ATP2A3: variants seen among roughly 807,000 people sequenced by gnomAD.
The protein encoded by ATP2A3 is ATPase sarcoplasmic/endoplasmic reticulum Ca2+ transporting 3, also known as sarcoplasmic/endoplasmic reticulum calcium ATPase 3.
Under a neutral mutation model 106.8 loss-of-function variants are expected in ATP2A3, and 61 were observed. The ratio of observed to expected loss-of-function variants is 0.57; its 90% confidence interval spans 0.46 to 0.71. The LOEUF (loss-of-function observed/expected upper bound fraction) is 0.71. Ranked by LOEUF, ATP2A3 falls within the 30% of genes least tolerant of loss-of-function variation. The pLI is 0.00. For synonymous variants in ATP2A3, 611 were observed against 609.3 expected (o/e 1.00, Z -0.04); for missense variants, 1,201 against 1,423.5 (o/e 0.84, Z 2.52).
chr17:3,925,409 CTG>C lies in ATP2A3; in HGVS notation c.*11_*12del. On this transcript the variant is annotated 3_prime_UTR_variant, in exon 21 of 21. Transcript: ENST00000397041. This position sits in a 1 kb window ranked among gnomAD's most constrained non-coding sequence, Gnocchi z 4.2. The stretch of plus-strand genomic sequence containing the variant: ...TGAGGTACACACCGGAGACTCCACT[CTG>C]TTCCCAGCGCTCACTTCTGGCTCAT... 9 of 1,613,884 alleles carry C rather than the reference CTG, an allele frequency of 5.6e-6. No homozygotes were observed. The highest frequency in any genetic ancestry group is 7.6e-6 in the Non-Finnish European group (9 of 1,179,926).
Position 3,942,751 on chromosome 17 carries a change from C to A in ATP2A3, c.1420-20G>T. On this transcript the variant is annotated intron_variant, in intron 11 of 20. Coordinates refer to ENST00000397041, the MANE Select transcript of ATP2A3 (RefSeq NM_005173.4). ...GATGACCTGCGGGGTCCAGGCAGGT[C>A]AGGGCATGAAGGACAGAGCCAGCAA... The A allele has an allele frequency of 6.2e-7, 1 of 1,611,100 alleles. No homozygotes were observed. The highest frequency in any genetic ancestry group is 1.1e-5 in the South Asian group (1 of 90,994).
rs569461487 is a variant in ATP2A3 at position 3,936,689 on chromosome 17, A to T, written c.2322-220T>A. 85 of 597,970 alleles carry T rather than the reference A, an allele frequency of 1.4e-4. No homozygotes were observed. Among genetic ancestry groups the T allele is most frequent in the African/African-American group, 1.3e-3 (71 of 54,340 alleles). 37.0% of individuals were successfully genotyped at this position (597,970 alleles called of 1,614,324 possible). On this transcript the variant is annotated intron_variant, in intron 15 of 20. Coordinates refer to ENST00000397041, the MANE Select transcript of ATP2A3 (RefSeq NM_005173.4). The surrounding 1 kb of genome is among the most constrained non-coding windows in gnomAD (Gnocchi z 5.4). ...CCAGTCCCAGCTCTGGATCCTGGAC[A>T]TACCTGCTCTTTAGGCCTAGCAGAG...
intron 8 of ATP2A3, among the ~76,000 whole-genome samples, chr17:3,945,653 C>T (rs1372495577): frequency 6.6e-6 from 1 of 152,236 alleles, no homozygotes; most frequent in African/African-American, 2.4e-5. Flanking sequence ...TGAGCCCCTG[C>T]CACAGGGCCT....
At chr17:3,951,114 A>T (rs2054394967) in intron 5 of ATP2A3, 137 bp downstream of exon 5, 1 of 896,102 alleles carries the variant, frequency 1.1e-6, no homozygotes, top group Non-Finnish European at 1.5e-6. Context: ...AGGAGGTTGC[A>T]GTGAGCCGAG....
rs1341170020 is a variant in ATP2A3, at chr17:3,936,509, C to A, written c.2322-40G>T. 6 of 1,606,778 alleles carry A rather than the reference C, an allele frequency of 3.7e-6. No individual in the cohort carries two copies. Among genetic ancestry groups the A allele is most frequent in the Non-Finnish European group, 5.1e-6 (6 of 1,174,888 alleles). ...TGAGCTCTAGCCCCGGTAGGCCTAG[C>A]CCCCGGCAGATGCAGGCTCCAGCTC... On this transcript the variant is annotated intron_variant, in intron 15 of 20. Transcript: ENST00000397041. This position sits in a 1 kb window ranked among gnomAD's most constrained non-coding sequence, Gnocchi z 5.4.
In ATP2A3 at chr17:3,936,196, G is replaced by T; in HGVS notation, c.2524+71C>A. Reference sequence around the variant, plus strand: ...CAAGCCAGGCTGAGTCACACTGTCTGCAGCTTGCAAGCCTGATACAAGGCT... The same window carrying T: ...CAAGCCAGGCTGAGTCACACTGTCTTCAGCTTGCAAGCCTGATACAAGGCT... On this transcript the variant is annotated intron_variant, in intron 16 of 20. Transcript: ENST00000397041. This position sits in a 1 kb window ranked among gnomAD's most constrained non-coding sequence, Gnocchi z 5.4. 1 of 1,573,130 alleles carries T rather than the reference G, an allele frequency of 6.4e-7. No individual in the cohort carries two copies. Among genetic ancestry groups the T allele is most frequent in the Non-Finnish European group, 8.7e-7 (1 of 1,143,614 alleles).
chr17:3,949,770 C>T (rs144943044), intron 7 of ATP2A3, among the ~76,000 whole-genome samples: 37 of 152,316 alleles, frequency 2.4e-4, no homozygotes, highest in African/African-American at 6.3e-4. Context: ...GTGCCAGGCA[C>T]ACAGTCCCCA....
chr17:3,956,197 T>A (rs2054771031), intron 1 of ATP2A3, among the ~76,000 whole-genome samples: 1 of 152,156 alleles, frequency 6.6e-6, no homozygotes, highest in South Asian at 2.1e-4. Context: ...CACCTTTCTC[T>A]ACCTGTCTAC....
chr17:3,931,564 C>G (rs142385586), intron 17 of ATP2A3, among the ~76,000 whole-genome samples: 3,458 of 151,420 alleles, frequency 0.023, 82 homozygotes, highest in Admixed American at 0.058. Context: ...CTCTGTCACC[C>G]GAGCTGGAGT....
chr17:3,938,572 G>A (rs954178801), intron 14 of ATP2A3, among the ~76,000 whole-genome samples: 1 of 151,614 alleles, frequency 6.6e-6, no homozygotes, highest in Non-Finnish European at 1.5e-5. Context: ...GGGGGACAGA[G>A]TCTCACTCTA....
intron 1 of ATP2A3, among the ~76,000 whole-genome samples, chr17:3,957,063 C>T (rs2054823617): frequency 6.6e-6 from 1 of 152,220 alleles, no homozygotes; most frequent in South Asian, 2.1e-4. Flanking sequence ...CGCATTATCA[C>T]CAGAGAACAA....
In ATP2A3 at chr17:3,950,541, C is replaced by T. The variant is rs2144632173; in HGVS notation, c.600G>A (p.Val200=). The T allele has an allele frequency of 6.2e-7, 1 of 1,614,184 alleles. No homozygotes were observed. Among genetic ancestry groups the T allele is most frequent in the South Asian group, 1.1e-5 (1 of 91,080 alleles). Residue 200 remains valine, a synonymous_variant, in exon 7 of 21, where the codon GTG becomes GTA. Coordinates refer to ENST00000397041, the MANE Select transcript of ATP2A3 (RefSeq NM_005173.4). ...HTEAIPDPRA[V]NQDKKNMLFS... is the part of the protein sequence containing the mutation. ...ACAGCATGTTCTTCTTGTCCTGGTT[C>T]ACAGCTCTGGGGTCTGGGATGGCCT...
At position 3,930,482 on chromosome 17, in the gene ATP2A3, G is replaced by C; in HGVS notation, c.2611-48C>G. On this transcript the variant is annotated intron_variant, in intron 17 of 20. Coordinates refer to ENST00000397041, the MANE Select transcript of ATP2A3 (RefSeq NM_005173.4). The surrounding 1 kb of genome is among the most constrained non-coding windows in gnomAD (Gnocchi z 5.4). ...GAGAGAGCGGCAGGTCAGGCGAGGG[G>C]CTGGTGGGTGGGAGGAGGGAAGCCT... is the stretch of plus-strand genomic sequence containing the variant. 6.2e-7 allele frequency: 1 copy of C among 1,609,928 alleles called. No homozygotes were observed. The highest frequency in any genetic ancestry group is 1.3e-5 in the African/African-American group (1 of 75,048).
At chr17:3,958,030 G>A (rs1331108582) in intron 1 of ATP2A3, among the ~76,000 whole-genome samples, 1 of 152,232 alleles carries the variant, frequency 6.6e-6, no homozygotes, top group Non-Finnish European at 1.5e-5. Flanking sequence ...GAGTCAGCCT[G>A]CAGTCCTGGG....
At chr17:3,957,223 A>G (rs945631095) in intron 1 of ATP2A3, among the ~76,000 whole-genome samples, 1 of 152,198 alleles carries the variant, frequency 6.6e-6, no homozygotes, top group Non-Finnish European at 1.5e-5. Context: ...TGCCATTGTT[A>G]TGCCCATTTT....
At chr17:3,944,970 C>A (rs2054022623) in intron 9 of ATP2A3, 90 bp downstream of exon 9, 2 of 1,316,386 alleles carry the variant, frequency 1.5e-6, no homozygotes, top group Non-Finnish European at 9.9e-7. Flanking sequence ...CTGGCCCGCC[C>A]CCAGGGGCCT....
intron 1 of ATP2A3, among the ~76,000 whole-genome samples, chr17:3,959,738 G>C (rs2055034963): frequency 6.6e-6 from 1 of 152,220 alleles, no homozygotes; most frequent in African/African-American, 2.4e-5. Context: ...ACCTGGCCCT[G>C]CCTGTGTCTC....
chr17:3,939,303 A>G (rs1003985315), intron 14 of ATP2A3, among the ~76,000 whole-genome samples: 1 of 152,040 alleles, frequency 6.6e-6, no homozygotes, highest in Non-Finnish European at 1.5e-5. Flanking sequence ...AGGCTGGGCC[A>G]TGGGTCAGGG....
chr17:3,950,734 A>C lies in ATP2A3; in HGVS notation c.503T>G (p.Ile168Ser). ...KVPADLRLIE[I>S]KSTTLRVDQS... is the part of the protein sequence containing the mutation. ...GTCCACTCGCAGCGTGGTGGACTTG[A>C]TCTCGATGAGGCGGAGGTCAGCAGG... The change falls in exon 6 of 21, where the codon ATC becomes AGC. Residue 168 changes from isoleucine (I) to serine (S), a missense_variant. Around this residue, in one of 2 missense-constraint regions of ATP2A3, gnomAD observed 266 missense variants for 246.8 expected, o/e 1.08. Coordinates refer to ENST00000397041, the MANE Select transcript of ATP2A3 (RefSeq NM_005173.4). 1 of 1,613,796 alleles carries C rather than the reference A, an allele frequency of 6.2e-7. No homozygotes were observed.
Sources: gnomAD v4.1 joint callset for allele counts (sites outside exome capture counted in the v4.1 genomes callset) on GRCh38, gnomAD v4.1.1 for gene constraint, gnomAD v4.1.1 regional missense constraint, Gnocchi (gnomAD v3.1) non-coding constraint, MANE v1.5 for transcripts, NCBI Gene and HGNC (gene_info 2026-07-23, HGNC 2026-07-21) for gene names.